Variants in CSTF3 observed in about 807,000 individuals in gnomAD.
CSTF3 encodes the protein CF-1 77 kDa subunit.
CSTF3 carries 29 observed loss-of-function variants against 105.8 expected under a neutral mutation model. The observed-to-expected ratio is 0.27, with a 90% confidence interval of 0.20 to 0.37. The LOEUF (loss-of-function observed/expected upper bound fraction) is 0.37. Ranked by LOEUF, CSTF3 falls within the 10% of genes least tolerant of loss-of-function variation. The pLI is 1.00. For synonymous variants in CSTF3, 252 were observed against 281.9 expected, an observed-to-expected ratio of 0.89 and a Z score of 1.06; for missense variants, 357 against 879.3, an observed-to-expected ratio of 0.41 and a Z score of 7.51.
At chr11:33,143,992 A>C (rs1855747356) in intron 1 of CSTF3, among the ~76,000 whole-genome samples, 1 of 152,190 alleles carries the variant, frequency 6.6e-6, no homozygotes, top group African/African-American at 2.4e-5. Flanking sequence ...TCTCAAAAAA[A>C]AAAGTTAATT....
At chr11:33,119,464 T>C (rs1246570735) in intron 3 of CSTF3, among the ~76,000 whole-genome samples, 2 of 145,204 alleles carry the variant, frequency 1.4e-5, no homozygotes, top group Non-Finnish European at 3.0e-5. Context: ...ATTTAACCTT[T>C]CTTAAAAATC....
intron 3 of CSTF3, among the ~76,000 whole-genome samples, chr11:33,118,617 C>T (rs1189100848): frequency 1.3e-5 from 2 of 151,750 alleles, no homozygotes; most frequent in Non-Finnish European, 3.0e-5. Context: ...CCCTGTCTCT[C>T]CTCAAAATTG....
intron 17 of CSTF3, 82 bp from the exon 18 acceptor site, chr11:33,087,223 T>C: frequency 1.4e-6 from 2 of 1,413,578 alleles, no homozygotes; most frequent in Non-Finnish European, 2.0e-6. Context: ...GAGGATACAG[T>C]GTGAATATCT....
In CSTF3 at chr11:33,096,304, A is replaced by T; in HGVS notation, c.1375+2T>A. On this transcript the variant is annotated splice_donor_variant, in intron 15 of 20. Coordinates refer to ENST00000323959, the MANE Select transcript of CSTF3 (RefSeq NM_001326.3). LOFTEE classifies it high-confidence loss of function. ...TCATTATAGATTCTAGAATCAACCT[A>T]CCATTGAGGTGAGAAAGATAGTCAA... The T allele has an allele frequency of 6.6e-7, 1 of 1,525,798 alleles. No individual in the cohort carries two copies. 94.5% of individuals were successfully genotyped at this position (1,525,798 alleles called of 1,614,324 possible).
intron 15 of CSTF3, among the ~76,000 whole-genome samples, chr11:33,095,482 A>C (rs1293401960): frequency 6.6e-6 from 1 of 152,230 alleles, no homozygotes; most frequent in East Asian, 1.9e-4. Context: ...GTAGGAACTC[A>C]ATAAAGGATG....
chr11:33,110,317 A>G (rs1855367223), intron 3 of CSTF3, among the ~76,000 whole-genome samples: 1 of 152,126 alleles, frequency 6.6e-6, no homozygotes, highest in Non-Finnish European at 1.5e-5. Flanking sequence ...TCTACTCAAG[A>G]GTAGGGAGGA....
chr11:33,152,445 G>T (rs964317469), intron 1 of CSTF3, among the ~76,000 whole-genome samples: 1 of 152,006 alleles, frequency 6.6e-6, no homozygotes, highest in Non-Finnish European at 1.5e-5. Flanking sequence ...TTTCATTAAT[G>T]AATTTTTACA....
Position 33,156,796 on chromosome 11 carries a change from G to A in CSTF3, c.27+4503C>T, listed in dbSNP as rs138105088. On this transcript the variant is annotated intron_variant, in intron 1 of 20. Transcript: ENST00000323959. ...AGCCTGGGAAACACAGTGAGACCTC[G>A]TCTCTACCTAAATAGTAAATAAATA... is the stretch of plus-strand genomic sequence containing the variant. 92 of 433,764 alleles carry A rather than the reference G, an allele frequency of 2.1e-4. 1 individual carries two copies. Among genetic ancestry groups the A allele is most frequent in the East Asian group, 2.0e-3 (27 of 13,674 alleles). The allele number at this position is 433,764 out of a possible 1,614,324, so 26.9% of individuals were successfully genotyped here.
chr11:33,127,619 C>A (rs376722598), intron 3 of CSTF3, among the ~76,000 whole-genome samples: 1 of 152,034 alleles, frequency 6.6e-6, no homozygotes, highest in Non-Finnish European at 1.5e-5. Flanking sequence ...GATCTGCCAA[C>A]GTTTTTGAGT....
intron 3 of CSTF3, among the ~76,000 whole-genome samples, chr11:33,128,014 C>CT (rs1330978746): frequency 1.3e-5 from 2 of 152,008 alleles, no homozygotes; most frequent in Non-Finnish European, 2.9e-5. Context: ...AATAAGCAAT[C>CT]TTTTTTCTGT....
chr11:33,092,205 T>C (rs374946238), intron 16 of CSTF3, 66 bp downstream of exon 16: 91 of 1,133,358 alleles, frequency 8.0e-5, no homozygotes, highest in Non-Finnish European at 1.1e-4. Context: ...ATTCACCCCA[T>C]AGACCACAAT....
chr11:33,101,446 C>T (rs1855279575), intron 10 of CSTF3, among the ~76,000 whole-genome samples: 3 of 152,162 alleles, frequency 2.0e-5, no homozygotes, highest in Admixed American at 6.6e-5. Context: ...TTGGGGTAAA[C>T]ACCTTAGACT....
intron 1 of CSTF3, among the ~76,000 whole-genome samples, chr11:33,149,065 T>C (rs1197516010): frequency 6.6e-6 from 1 of 151,978 alleles, no homozygotes; most frequent in African/African-American, 2.4e-5. Flanking sequence ...ACTACATGAG[T>C]GATGAGTGCT....
chr11:33,087,963 G>C (rs894315537), intron 17 of CSTF3, among the ~76,000 whole-genome samples: 1 of 152,168 alleles, frequency 6.6e-6, no homozygotes, highest in South Asian at 2.1e-4. Flanking sequence ...CTCTGCTCCA[G>C]ACAACCCAGT....
Position 33,092,359 on chromosome 11 carries a change from T to C in CSTF3, c.1376-19A>G. 1 of 1,407,350 alleles carries C rather than the reference T, an allele frequency of 7.1e-7. No homozygotes were observed. 87.2% of individuals were successfully genotyped at this position (1,407,350 alleles called of 1,614,324 possible). On this transcript the variant is annotated intron_variant, in intron 15 of 20. Coordinates refer to ENST00000323959, the MANE Select transcript of CSTF3 (RefSeq NM_001326.3). ...TTGTCCTCTAGGATATTGAAAAAGA[T>C]TTTAATTTTTTTAATTCACTTTTAC... is the stretch of plus-strand genomic sequence containing the variant.
At chr11:33,103,276 A>C (rs949259317) in intron 8 of CSTF3, 92 bp from the exon 9 acceptor site, 10 of 565,432 alleles carry the variant, frequency 1.8e-5, no homozygotes, top group Non-Finnish European at 2.6e-5. Context: ...AATAACTTTA[A>C]ATTTTTATTT....
intron 3 of CSTF3, among the ~76,000 whole-genome samples, chr11:33,123,572 G>A (rs1482492355): frequency 5.9e-5 from 9 of 151,964 alleles, no homozygotes; most frequent in Admixed American, 3.3e-4. Context: ...CTGCAGTACC[G>A]TCTGTAATAA....
intron 5 of CSTF3, among the ~76,000 whole-genome samples, chr11:33,106,495 G>C (rs1487095146): frequency 3.3e-5 from 5 of 152,108 alleles, no homozygotes; most frequent in African/African-American, 1.2e-4. Context: ...TTGGGAGGCT[G>C]AGGCAGGAGG....
chr11:33,128,854 C>T (rs1449125499), intron 3 of CSTF3, among the ~76,000 whole-genome samples: 1 of 152,070 alleles, frequency 6.6e-6, no homozygotes, highest in African/African-American at 2.4e-5. Flanking sequence ...TCTCTCTTTC[C>T]TTTAAGGCCT....
Sources: gnomAD v4.1 joint callset for allele counts (sites outside exome capture counted in the v4.1 genomes callset) on GRCh38, gnomAD v4.1.1 for gene constraint, MANE v1.5 for transcripts, NCBI Gene and HGNC (gene_info 2026-07-23, HGNC 2026-07-21) for gene names.